RBFOX1: variants seen among roughly 807,000 people sequenced by gnomAD.
RBFOX1 encodes RNA binding fox-1 homolog 1, also known as RNA binding protein fox-1 homolog 1.
Under a neutral mutation model 57.7 loss-of-function variants are expected in RBFOX1, and 8 were observed. That is an observed-to-expected ratio of 0.14 (90% confidence interval 0.08 to 0.25). The LOEUF (loss-of-function observed/expected upper bound fraction) is 0.25. RBFOX1 is among the 10% of genes least tolerant of loss of function. The pLI is 1.00. For missense variants in RBFOX1, 611 were observed against 548.5 expected (o/e 1.11, Z -1.14); for synonymous variants, 326 against 222.4 (o/e 1.47, Z -4.15).
At chr16:6,020,568 G>T (rs1174361946) in intron 1 of RBFOX1, among the ~76,000 whole-genome samples, 1 of 152,156 alleles carries the variant, frequency 6.6e-6, no homozygotes, top group African/African-American at 2.4e-5. Context: ...CCAGGGGAGG[G>T]GGCCAGCCGG....
chr16:6,007,539 C>G (rs975224402), intron 4 of RBFOX1, among the ~76,000 whole-genome samples: 7 of 152,142 alleles, frequency 4.6e-5, no homozygotes, highest in Admixed American at 4.6e-4. Context: ...TAGAGCCATG[C>G]TACTTACTGA....
intron 2 of RBFOX1, among the ~76,000 whole-genome samples, chr16:6,338,418 C>A (rs1265172094): frequency 1.3e-5 from 2 of 152,184 alleles, no homozygotes; most frequent in Admixed American, 6.5e-5. Context: ...GGTTCTAAAT[C>A]AAAAACTCTG....
intron 5 of RBFOX1, among the ~76,000 whole-genome samples, chr16:7,532,620 G>A (rs1256709899): frequency 6.6e-6 from 1 of 152,306 alleles, no homozygotes; most frequent in Middle Eastern, 3.4e-3. Context: ...CTTCTCTCCA[G>A]CCTTCTCCAG....
chr16:7,569,571 T>A (rs545595755), intron 5 of RBFOX1, among the ~76,000 whole-genome samples: 1 of 152,190 alleles, frequency 6.6e-6, no homozygotes, highest in Non-Finnish European at 1.5e-5. Flanking sequence ...GTCATGTGAT[T>A]AGCAACCTTA....
rs1175667937 is a variant in RBFOX1, at chr16:6,817,830, A to T, written c.-16+163180A>T. 3.9e-5 allele frequency among the ~76,000 whole-genome samples: 6 copies of T among 152,198 alleles called. No homozygotes were observed. The East Asian group carries it at 1.2e-3, about 29-fold the overall frequency. On this transcript the variant is annotated intron_variant, in intron 3 of 15. Coordinates refer to ENST00000550418, the MANE Select transcript of RBFOX1 (RefSeq NM_018723.4). Reference sequence around the variant, plus strand: ...TTAACTATAACTCAAGAATTCATGAAGTCCCCTGTGAATGTGACTCATATC... The same window carrying T: ...TTAACTATAACTCAAGAATTCATGATGTCCCCTGTGAATGTGACTCATATC...
At chr16:6,336,771 C>G (rs1390447511) in intron 2 of RBFOX1, among the ~76,000 whole-genome samples, 1 of 152,106 alleles carries the variant, frequency 6.6e-6, no homozygotes. Flanking sequence ...GAAAGTACCA[C>G]TGTAAGGAAG....
chr16:6,576,040 G>T (rs1453689919), intron 2 of RBFOX1, among the ~76,000 whole-genome samples: 1 of 152,070 alleles, frequency 6.6e-6, no homozygotes, highest in Non-Finnish European at 1.5e-5. Context: ...CCATCACACA[G>T]TTCAAAAACA....
chr16:7,076,601 T>C (rs919241025), intron 4 of RBFOX1, among the ~76,000 whole-genome samples: 1 of 152,254 alleles, frequency 6.6e-6, no homozygotes, highest in Non-Finnish European at 1.5e-5. Context: ...ATTACTGCTT[T>C]AGCAAAACTT....
At chr16:7,095,469 A>G (rs1470007205) in intron 4 of RBFOX1, among the ~76,000 whole-genome samples, 2 of 152,228 alleles carry the variant, frequency 1.3e-5, no homozygotes, top group African/African-American at 2.4e-5. Flanking sequence ...AACTCATGAC[A>G]AAATGAAAAC....
At chr16:5,408,539 C>T (rs1193004409) in intron 1 of RBFOX1, among the ~76,000 whole-genome samples, 2 of 152,198 alleles carry the variant, frequency 1.3e-5, no homozygotes, top group South Asian at 2.1e-4. Context: ...TTCTCCTGGA[C>T]CATTCCTCTG....
chr16:6,326,280 G>C (rs888957776), intron 2 of RBFOX1, among the ~76,000 whole-genome samples: 2 of 152,082 alleles, frequency 1.3e-5, no homozygotes, highest in Non-Finnish European at 2.9e-5. Context: ...TAGGTACTGA[G>C]GATATCATAG....
At chr16:5,603,010 A>G (rs77927249), downstream of RBFOX1, among the ~76,000 whole-genome samples, 5,659 of 152,128 alleles carry the variant, frequency 0.037, 248 homozygotes, top group African/African-American at 0.11. Flanking sequence ...TGTGGCCTTT[A>G]GATAGACTTT....
chr16:6,117,754 G>A (rs1049899642), intron 1 of RBFOX1, among the ~76,000 whole-genome samples: 2 of 152,214 alleles, frequency 1.3e-5, no homozygotes, highest in African/African-American at 4.8e-5. Flanking sequence ...TGTTATAGCT[G>A]CACAAAATGG....
intron 1 of RBFOX1, among the ~76,000 whole-genome samples, chr16:6,239,688 G>T (rs188575291): frequency 2.6e-5 from 4 of 151,618 alleles, no homozygotes; most frequent in African/African-American, 9.7e-5. Context: ...AGTAGAGACG[G>T]GGGTTTCACC....
intron 2 of RBFOX1, among the ~76,000 whole-genome samples, chr16:6,614,437 C>G (rs760609530): frequency 6.6e-5 from 10 of 152,156 alleles, no homozygotes; most frequent in Non-Finnish European, 1.0e-4. Flanking sequence ...TAAAAGCAGA[C>G]CTGCTTTTTC....
intron 3 of RBFOX1, among the ~76,000 whole-genome samples, chr16:6,900,314 T>G (rs574913608): frequency 3.9e-5 from 6 of 152,304 alleles, no homozygotes; most frequent in Non-Finnish European, 7.3e-5. Flanking sequence ...CTGTTCCAAG[T>G]TGCCATCATC....
At chr16:5,681,114 C>T (rs1201400133) in intron 3 of RBFOX1, among the ~76,000 whole-genome samples, 1 of 152,030 alleles carries the variant, frequency 6.6e-6, no homozygotes, top group Non-Finnish European at 1.5e-5. Flanking sequence ...CGCTCTGTCA[C>T]CCAGTCTGGA....
chr16:6,400,609 C>T (rs1468482465), intron 2 of RBFOX1, among the ~76,000 whole-genome samples: 1 of 152,182 alleles, frequency 6.6e-6, no homozygotes, highest in African/African-American at 2.4e-5. Flanking sequence ...TCAGGCTGGG[C>T]CTTGTAGCTC....
intron 4 of RBFOX1, among the ~76,000 whole-genome samples, chr16:7,321,774 G>C (rs2096548393): frequency 6.6e-6 from 1 of 152,244 alleles, no homozygotes; most frequent in African/African-American, 2.4e-5. Context: ...GTCACTCAGA[G>C]TGGTTCCTCT....
Sources: gnomAD v4.1 joint callset for allele counts (sites outside exome capture counted in the v4.1 genomes callset) on GRCh38, gnomAD v4.1.1 for gene constraint, MANE v1.5 for transcripts, NCBI Gene and HGNC (gene_info 2026-07-23, HGNC 2026-07-21) for gene names.